Variants in SLC8A3 observed in about 807,000 individuals in gnomAD.
SLC8A3 encodes solute carrier family 8 member A3.
In SLC8A3, 37 loss-of-function variants were observed where a neutral mutation model predicts 65.4. The ratio of observed to expected loss-of-function variants is 0.57; its 90% confidence interval spans 0.44 to 0.74. SLC8A3 has a LOEUF of 0.74. Among genes scored for constraint, SLC8A3 ranks in the 30% least tolerant of loss-of-function variants. The pLI is 0.00. For synonymous variants in SLC8A3, 461 were observed against 444.5 expected (o/e 1.04, Z -0.47); for missense variants, 1,112 against 1,172.1 (o/e 0.95, Z 0.75).
intron 1 of SLC8A3, among the ~76,000 whole-genome samples, chr14:70,175,938 T>C (rs61978205): frequency 0.097 from 14,688 of 152,186 alleles, 891 homozygotes; most frequent in Middle Eastern, 0.18. Context: ...TTTCACCATG[T>C]TAGCCAGGTT....
chr14:70,051,536 A>G (rs1443178286), intron 4 of SLC8A3, among the ~76,000 whole-genome samples: 2 of 152,138 alleles, frequency 1.3e-5, no homozygotes, highest in Admixed American at 1.3e-4. Context: ...CCTAGGTATA[A>G]GTGACCCTCC....
intron 2 of SLC8A3, among the ~76,000 whole-genome samples, chr14:70,156,800 G>A (rs780699143): frequency 2.6e-5 from 4 of 152,166 alleles, no homozygotes; most frequent in Non-Finnish European, 4.4e-5. Context: ...TCTATCCCTG[G>A]CAGGCATGAA....
chr14:70,092,806 C>T (rs1891897069), intron 2 of SLC8A3, among the ~76,000 whole-genome samples: 1 of 152,140 alleles, frequency 6.6e-6, no homozygotes, highest in Non-Finnish European at 1.5e-5. Flanking sequence ...TTTCATCATC[C>T]CTGGAACTTT....
chr14:70,135,023 G>A (rs1325810786), intron 2 of SLC8A3, among the ~76,000 whole-genome samples: 1 of 152,094 alleles, frequency 6.6e-6, no homozygotes, highest in African/African-American at 2.4e-5. Flanking sequence ...GAATATATAA[G>A]AAACTCGAAG....
chr14:70,105,245 C>T (rs375329683), intron 2 of SLC8A3, among the ~76,000 whole-genome samples: 4 of 152,088 alleles, frequency 2.6e-5, no homozygotes, highest in Non-Finnish European at 5.9e-5. Flanking sequence ...AGGAGAATGG[C>T]GTGAACCTGG....
chr14:70,063,716 C>T, intron 2 of SLC8A3: 1 of 672,246 alleles, frequency 1.5e-6, no homozygotes. Flanking sequence ...GGAAAGGGAA[C>T]CAGAGAGGTG....
At chr14:70,188,966 G>A (rs1189454154), upstream of SLC8A3, 1 of 152,134 alleles carries the variant, frequency 6.6e-6, no homozygotes, top group African/African-American at 2.4e-5. Flanking sequence ...GTTTCTGGGC[G>A]AGCGGAGAGC....
chr14:70,119,608 G>C (rs1893907016), intron 2 of SLC8A3, among the ~76,000 whole-genome samples: 1 of 152,226 alleles, frequency 6.6e-6, no homozygotes, highest in Non-Finnish European at 1.5e-5. Context: ...CATTTTCTCA[G>C]ATCAGAAGCT....
At chr14:70,067,212 T>C (rs759802313) in intron 2 of SLC8A3, among the ~76,000 whole-genome samples, 1 of 152,234 alleles carries the variant, frequency 6.6e-6, no homozygotes, top group Non-Finnish European at 1.5e-5. Context: ...GTGCTTATCC[T>C]GATCGTTTGC....
At chr14:70,153,760 G>A (rs1896415064) in intron 2 of SLC8A3, among the ~76,000 whole-genome samples, 1 of 152,174 alleles carries the variant, frequency 6.6e-6, no homozygotes, top group Admixed American at 6.5e-5. Context: ...GGCTGGCATA[G>A]GCTCTCCTGG....
chr14:70,062,576 G>C (rs1232725274), intron 2 of SLC8A3, among the ~76,000 whole-genome samples: 1 of 152,224 alleles, frequency 6.6e-6, no homozygotes, highest in African/African-American at 2.4e-5. Flanking sequence ...ATCTAGGTTT[G>C]TGAAAGTACA....
Position 70,167,159 on chromosome 14 carries a change from C to T in SLC8A3, c.1264G>A (p.Gly422Arg). The T allele has an allele frequency of 6.2e-7, 1 of 1,614,200 alleles. No homozygotes were observed. The highest frequency in any genetic ancestry group is 8.5e-7 in the Non-Finnish European group (1 of 1,180,024). Residue 422 changes from glycine (G) to arginine (R), a missense_variant, in exon 2 of 7, where the codon GGG becomes AGG. By Grantham distance (125) the Gly-to-Arg change is moderately radical. Coordinates refer to ENST00000356921, the MANE Select transcript of SLC8A3 (RefSeq NM_182932.3). Reference sequence around the variant, plus strand: ...TACATGGTCTTTGACATGTCTCCCCCTTTCCTCACCACTGTCAGGAGTACA... The same window carrying T: ...TACATGGTCTTTGACATGTCTCCCCTTTTCCTCACCACTGTCAGGAGTACA... ...GAVLLTVVRKGGDMSKTMYVD... is the reference protein window; with the variant it reads ...GAVLLTVVRKRGDMSKTMYVD...
chr14:70,171,832 C>T (rs567019056), intron 1 of SLC8A3, among the ~76,000 whole-genome samples: 1 of 151,766 alleles, frequency 6.6e-6, no homozygotes, highest in African/African-American at 2.4e-5. Flanking sequence ...AAAGGCAAGG[C>T]GGTGAGATGG....
chr14:70,167,396 C>T lies in SLC8A3; in HGVS notation c.1027G>A (p.Ala343Thr). The T allele has an allele frequency of 1.2e-6, 2 of 1,614,118 alleles. No individual in the cohort carries two copies. Among genetic ancestry groups the T allele is most frequent in the Non-Finnish European group, 1.7e-6 (2 of 1,180,004 alleles). The change falls in exon 2 of 7, where the codon GCT (alanine) becomes ACT (threonine). Residue 343 changes from alanine to threonine, a missense_variant. By Grantham distance (58) the Ala-to-Thr change is moderately conservative. Transcript: ENST00000356921. Reference sequence around the variant, plus strand: ...CGGCTCTTCTGTTGGTGGGAAAGAGCATAGTAATTGGCCATCTCCACCAGC... The same window carrying T: ...CGGCTCTTCTGTTGGTGGGAAAGAGTATAGTAATTGGCCATCTCCACCAGC... Reference protein sequence around the residue: ...DQLVEMANYYALSHQQKSRAF... With the variant: ...DQLVEMANYYTLSHQQKSRAF...
chr14:70,061,188 G>T (rs1033551995), intron 2 of SLC8A3, among the ~76,000 whole-genome samples: 15 of 152,140 alleles, frequency 9.9e-5, no homozygotes, highest in African/African-American at 3.4e-4. Context: ...GCAAGGAAAG[G>T]TGGGCAAAGG....
At chr14:70,161,370 G>A (rs2140345647) in intron 2 of SLC8A3, among the ~76,000 whole-genome samples, 1 of 149,424 alleles carries the variant, frequency 6.7e-6, no homozygotes, top group African/African-American at 2.4e-5. Context: ...GGCAATTGTG[G>A]TTGAACAATC....
chr14:70,092,753 A>G (rs1891892508), intron 2 of SLC8A3, among the ~76,000 whole-genome samples: 2 of 152,200 alleles, frequency 1.3e-5, no homozygotes, highest in Admixed American at 6.5e-5. Flanking sequence ...AAGATGGCCT[A>G]AAAGAAAAAA....
intron 2 of SLC8A3, among the ~76,000 whole-genome samples, chr14:70,126,558 TCTCTCTCTCTCTCACACA>T (rs1357842388): frequency 2.1e-5 from 2 of 94,800 alleles, no homozygotes; most frequent in Non-Finnish European, 4.6e-5. Flanking sequence ...TCTCTCTCTC[TCTCTCTCTCTCTCACACA>T]CACACACACA....
At chr14:70,174,651 GTTTTTTTTTTGTTTTTTTTTTTTTTTT>G (rs1897760387) in intron 1 of SLC8A3, among the ~76,000 whole-genome samples, 1 of 90,364 alleles carries the variant, frequency 1.1e-5, no homozygotes, top group Non-Finnish European at 2.1e-5. Context: ...GACCAAATCC[GTTTTTTTTTTGTTTTTTTTTTTTTTTT>G]TTTTTTTTTT....
Sources: allele counts gnomAD v4.1 joint callset (sites outside exome capture counted in the v4.1 genomes callset), GRCh38; gene constraint gnomAD v4.1.1; transcripts MANE v1.5; gene names NCBI Gene and HGNC (gene_info 2026-07-23, HGNC 2026-07-21).